TBC1D32: variants seen among roughly 807,000 people sequenced by gnomAD.
TBC1D32 encodes TBC1 domain family member 32.
TBC1D32 carries 151 observed loss-of-function variants against 170.3 expected under a neutral mutation model. The ratio of observed to expected loss-of-function variants is 0.89; its 90% CI spans 0.78 to 1.01. The LOEUF is 1.01. Among genes scored for constraint, TBC1D32 ranks in the 50% least tolerant of loss-of-function variants. TBC1D32 has a pLI of 0.00. For synonymous variants in TBC1D32, 498 were observed against 488.0 expected, an observed-to-expected ratio of 1.02 and a Z score of -0.27; for missense variants, 1,464 against 1,457.1, an observed-to-expected ratio of 1.00 and a Z score of -0.08.
intron 17 of TBC1D32, among the ~76,000 whole-genome samples, chr6:121,252,012 A>G (rs1798360921): frequency 6.6e-6 from 1 of 152,188 alleles, no homozygotes; most frequent in African/African-American, 2.4e-5. Context: ...GCAAATCAAA[A>G]CCACAGTGAG....
chr6:121,291,040 C>T (rs1465506895), intron 12 of TBC1D32, among the ~76,000 whole-genome samples: 1 of 151,854 alleles, frequency 6.6e-6, no homozygotes, highest in Non-Finnish European at 1.5e-5. Context: ...AGGAGATATA[C>T]CTAATGTTAA....
intron 31 of TBC1D32, among the ~76,000 whole-genome samples, chr6:121,081,289 T>G (rs997715104): frequency 2.1e-4 from 32 of 152,328 alleles, no homozygotes; most frequent in African/African-American, 7.7e-4. Context: ...TATAAGCTAC[T>G]GTCCATAAAA....
At chr6:121,284,020 C>T (rs1008526071) in intron 12 of TBC1D32, 110 bp from the exon 13 acceptor site, 24 of 740,964 alleles carry the variant, frequency 3.2e-5, no homozygotes, top group African/African-American at 7.2e-5. Context: ...GTACAGACTA[C>T]GAGGCAATCA....
intron 13 of TBC1D32, among the ~76,000 whole-genome samples, chr6:121,282,482 A>ATTTTAAGATGAAAG (rs201195084): frequency 0.033 from 4,966 of 151,844 alleles, 194 homozygotes; most frequent in East Asian, 0.12. Flanking sequence ...TTTGGAAACT[A>ATTTTAAGATGAAAG]TTCTAACTTA....
At chr6:121,227,690 T>C (rs1795245601) in intron 20 of TBC1D32, among the ~76,000 whole-genome samples, 2 of 152,282 alleles carry the variant, frequency 1.3e-5, no homozygotes, top group South Asian at 4.1e-4. Flanking sequence ...TCCTTTTATA[T>C]ACTGCTGAAT....
intron 10 of TBC1D32, among the ~76,000 whole-genome samples, chr6:121,297,526 A>G (rs993178902): frequency 2.6e-5 from 4 of 152,102 alleles, no homozygotes; most frequent in African/African-American, 9.7e-5. Flanking sequence ...ACTGTTAAAA[A>G]TTAAAGGTTA....
At chr6:121,145,376 A>C (rs1582954133) in intron 24 of TBC1D32, among the ~76,000 whole-genome samples, 1 of 152,196 alleles carries the variant, frequency 6.6e-6, no homozygotes, top group Middle Eastern at 3.4e-3. Context: ...AGAAAGAAAA[A>C]CACTCTATAT....
intron 2 of TBC1D32, among the ~76,000 whole-genome samples, chr6:121,318,838 T>C (rs916708716): frequency 1.3e-5 from 2 of 150,904 alleles, no homozygotes; most frequent in East Asian, 1.9e-4. Context: ...GAAAATACAC[T>C]AGGAAAATAT....
intron 1 of TBC1D32, among the ~76,000 whole-genome samples, chr6:121,330,007 T>C (rs1322752495): frequency 1.3e-5 from 2 of 152,168 alleles, no homozygotes; most frequent in African/African-American, 4.8e-5. Context: ...ATTTTCTCCA[T>C]ACAGGTAAAT....
intron 24 of TBC1D32, among the ~76,000 whole-genome samples, chr6:121,137,964 C>A (rs1782324673): frequency 6.6e-6 from 1 of 151,958 alleles, no homozygotes; most frequent in Non-Finnish European, 1.5e-5. Flanking sequence ...GCAAGAGATT[C>A]CTAGGCTTAA....
At chr6:121,272,312 G>A (rs1208699961) in intron 15 of TBC1D32, among the ~76,000 whole-genome samples, 4 of 152,036 alleles carry the variant, frequency 2.6e-5, no homozygotes, top group Admixed American at 2.6e-4. Flanking sequence ...CCATCAGAGT[G>A]AACAGGCAAC....
At chr6:121,237,672 T>G (rs1796488359) in intron 20 of TBC1D32, among the ~76,000 whole-genome samples, 1 of 152,002 alleles carries the variant, frequency 6.6e-6, no homozygotes, top group African/African-American at 2.4e-5. Flanking sequence ...TCATGTAAGT[T>G]TTTTTTAATT....
rs144120639 is a variant in TBC1D32, at chr6:121,092,957, C to T, written c.3466-1916G>A. On this transcript the variant is annotated intron_variant, in intron 30 of 31. Coordinates refer to ENST00000398212, the MANE Select transcript of TBC1D32 (RefSeq NM_152730.6). Reference sequence around the variant, plus strand: ...CATTATTACTCATATCAATTATTAACCTTTAAATAAGGCTATTAATTCTGT... The same window carrying T: ...CATTATTACTCATATCAATTATTAATCTTTAAATAAGGCTATTAATTCTGT... Among the ~76,000 whole-genome samples, 1,152 of 152,150 alleles carry T rather than the reference C, an allele frequency of 7.6e-3. 7 individuals carry two copies. The highest frequency in any genetic ancestry group is 0.011 in the Non-Finnish European group (729 of 67,996).
intron 22 of TBC1D32, among the ~76,000 whole-genome samples, chr6:121,187,717 G>C (rs192447490): frequency 5.0e-5 from 7 of 141,360 alleles, no homozygotes; most frequent in Non-Finnish European, 7.5e-5. Flanking sequence ...CCAGGATGAT[G>C]ATGAAGGGAA....
intron 22 of TBC1D32, among the ~76,000 whole-genome samples, chr6:121,196,704 G>C (rs993008032): frequency 6.6e-6 from 1 of 152,184 alleles, no homozygotes; most frequent in Non-Finnish European, 1.5e-5. Flanking sequence ...TGGATTGATT[G>C]ATAGGAGGGT....
chr6:121,118,257 C>A (rs901152471), intron 26 of TBC1D32, among the ~76,000 whole-genome samples: 1 of 152,150 alleles, frequency 6.6e-6, no homozygotes, highest in South Asian at 2.1e-4. Context: ...ATAGCTCCCA[C>A]TCCCTGAAGT....
rs747406997 is a variant in TBC1D32 at position 121,317,621 on chromosome 6, C to T, written c.369G>A (p.Glu123=). The change falls in exon 3 of 32, where the codon GAG becomes GAA. Residue 123 remains glutamate, a synonymous_variant. Transcript: ENST00000398212. The part of the protein sequence containing the change: ...YLKNIMIAVV[E]SMINKFEEDE... ...CTTCTTCAAACTTGTTAATCATAGA[C>T]TCGACCACAGCTATCATAATGTTCT... 2 of 1,612,154 alleles carry T rather than the reference C, an allele frequency of 1.2e-6. No individual in the cohort carries two copies. Among genetic ancestry groups the T allele is most frequent in the Non-Finnish European group, 1.7e-6 (2 of 1,179,086 alleles).
intron 15 of TBC1D32, among the ~76,000 whole-genome samples, chr6:121,261,582 A>T (rs1335672500): frequency 6.6e-6 from 1 of 152,166 alleles, no homozygotes; most frequent in East Asian, 1.9e-4. Context: ...AGCTACAACA[A>T]CAGCATCAAC....
chr6:121,080,706 C>T lies in TBC1D32; in HGVS notation c.*65G>A, dbSNP rs1255991045. 3.3e-6 allele frequency: 5 copies of T among 1,525,542 alleles called. No individual in the cohort carries two copies. Among genetic ancestry groups the T allele is most frequent in the Admixed American group, 4.4e-5 (2 of 45,806 alleles). 94.5% of individuals were successfully genotyped at this position (1,525,542 alleles called of 1,614,324 possible). On this transcript the variant is annotated 3_prime_UTR_variant, in exon 32 of 32. Transcript: ENST00000398212. Reference sequence around the variant, plus strand: ...AAATGTTGTTACAGACACAGAAAAACATCAAGCCCCCCTGCTGTGTTTAAA... The same window carrying T: ...AAATGTTGTTACAGACACAGAAAAATATCAAGCCCCCCTGCTGTGTTTAAA...
Sources: allele counts gnomAD v4.1 joint callset (sites outside exome capture counted in the v4.1 genomes callset), GRCh38; gene constraint gnomAD v4.1.1; transcripts MANE v1.5; gene names NCBI Gene and HGNC (gene_info 2026-07-23, HGNC 2026-07-21).